The following IRAK1BP1 variants were observed in gnomAD, a reference collection of about 807,000 sequenced individuals.
The protein encoded by IRAK1BP1 is interleukin 1 receptor associated kinase 1 binding protein 1.
IRAK1BP1 carries 24 observed loss-of-function variants against 28.0 expected under a neutral mutation model. The observed-to-expected ratio is 0.86, with a 90% CI of 0.62 to 1.20. IRAK1BP1 has a LOEUF of 1.20. Ranked by LOEUF, IRAK1BP1 falls within the 50% of genes most tolerant of loss-of-function variation. The pLI is 0.00. For synonymous variants in IRAK1BP1, 131 were observed against 116.3 expected (o/e 1.13, Z -0.81); for missense variants, 336 against 316.7 (o/e 1.06, Z -0.46).
chr6:78,969,764 A>G, the IRAK1BP1 span: 57 of 685,992 alleles, frequency 8.3e-5, no homozygotes, highest in East Asian at 2.7e-5. Flanking sequence ...TCAATTATGA[A>G]AAATAGTAAA....
intron 1 of IRAK1BP1, among the ~76,000 whole-genome samples, chr6:78,869,271 A>G (rs535473297): frequency 2.2e-4 from 34 of 152,292 alleles, no homozygotes; most frequent in African/African-American, 7.9e-4. Flanking sequence ...TGTAATGCCA[A>G]CACTTTGGGA....
At chr6:78,978,083 A>T in the IRAK1BP1 span, among the ~76,000 whole-genome samples, 1 of 152,106 alleles carries the variant, frequency 6.6e-6, no homozygotes, top group Non-Finnish European at 1.5e-5. Context: ...ACAAGTACAT[A>T]TTCTAAAACA....
At chr6:78,947,913 G>A (rs1773915531), downstream of IRAK1BP1, 1 of 469,756 alleles carries the variant, frequency 2.1e-6, no homozygotes, top group Non-Finnish European at 3.8e-6. Context: ...CCCTTATCAA[G>A]AGTCCCTTTT....
At chr6:78,871,222 C>T in intron 1 of IRAK1BP1, 2 of 977,984 alleles carry the variant, frequency 2.0e-6, no homozygotes, top group Non-Finnish European at 2.4e-6. Context: ...TCTTCTCTCT[C>T]CAACTGTAGG....
intron 4 of IRAK1BP1, among the ~76,000 whole-genome samples, chr6:78,916,165 G>A (rs1055138542): frequency 2.0e-5 from 3 of 152,158 alleles, no homozygotes; most frequent in African/African-American, 7.2e-5. Flanking sequence ...AGGCTAAAGT[G>A]AAGTTATAAA....
chr6:78,947,267 G>A (rs1773871771), downstream of IRAK1BP1, among the ~76,000 whole-genome samples: 1 of 152,066 alleles, frequency 6.6e-6, no homozygotes, highest in South Asian at 2.1e-4. Context: ...GTCATGTCTG[G>A]TCAGAGTGTT....
chr6:78,974,521 A>G, the IRAK1BP1 span, among the ~76,000 whole-genome samples: 1 of 151,832 alleles, frequency 6.6e-6, no homozygotes, highest in African/African-American at 2.4e-5. Flanking sequence ...AGAAATAACT[A>G]AGATCAGAGC....
At chr6:78,947,479 A>G (rs1773890963), downstream of IRAK1BP1, 9 of 537,410 alleles carry the variant, frequency 1.7e-5, no homozygotes, top group South Asian at 1.4e-4. Context: ...GTAGAAAGGT[A>G]TAATTTCTTT....
At chr6:78,883,185 C>A (rs146001496) in intron 1 of IRAK1BP1, among the ~76,000 whole-genome samples, 38 of 152,224 alleles carry the variant, frequency 2.5e-4, no homozygotes, top group African/African-American at 6.7e-4. Flanking sequence ...TGCTTGAGCT[C>A]AGGAGTTCAA....
At chr6:78,898,024 T>C (rs771697277) in intron 3 of IRAK1BP1, 40 bp from the exon 4 acceptor site, 6 of 1,605,468 alleles carry the variant, frequency 3.7e-6, no homozygotes, top group Middle Eastern at 1.7e-4. Flanking sequence ...CTACATTTCA[T>C]TGAGTGTCAT....
At chr6:78,912,616 TA>T (rs1164551692) in intron 4 of IRAK1BP1, among the ~76,000 whole-genome samples, 2 of 152,140 alleles carry the variant, frequency 1.3e-5, no homozygotes, top group East Asian at 3.9e-4. Context: ...ATGTTGTCAA[TA>T]ACAGGTTTGT....
intron 4 of IRAK1BP1, among the ~76,000 whole-genome samples, chr6:78,918,578 T>TAAAAAAA (rs58669467): frequency 4.3e-4 from 29 of 66,796 alleles, no homozygotes; most frequent in African/African-American, 1.2e-3. Flanking sequence ...CCAAAAACAG[T>TAAAAAAA]AAAAAAAAAA....
chr6:78,925,901 TACC>T (rs2127668123), intron 4 of IRAK1BP1, among the ~76,000 whole-genome samples: 1 of 152,176 alleles, frequency 6.6e-6, no homozygotes, highest in Admixed American at 6.5e-5. Flanking sequence ...AACGTGGATG[TACC>T]TCAAGACCGT....
the IRAK1BP1 span, among the ~76,000 whole-genome samples, chr6:78,974,621 A>G: frequency 6.2e-4 from 95 of 152,324 alleles, 1 homozygote; most frequent in South Asian, 8.1e-3. Flanking sequence ...AAATCGATAG[A>G]CCGCCAGCAA....
chr6:78,885,479 T>C (rs1463784243), intron 2 of IRAK1BP1, 36 bp downstream of exon 2: 3 of 1,039,898 alleles, frequency 2.9e-6, no homozygotes, highest in Non-Finnish European at 1.4e-6. Context: ...GCAGCATGAT[T>C]TTGTGGAGAC....
chr6:78,925,255 G>A lies in IRAK1BP1; in HGVS notation c.*68-20153G>A, dbSNP rs542851469. Among the ~76,000 whole-genome samples the A allele has an allele frequency of 5.9e-5, 9 of 152,060 alleles. No individual in the cohort carries two copies. In the South Asian group the frequency reaches 1.9e-3, roughly 32 times the overall value. Reference sequence around the variant, plus strand: ...TTAGTGGGTACGGCACACCAACATGGCACATGTATACATATGTAACAAACC... The same window carrying A: ...TTAGTGGGTACGGCACACCAACATGACACATGTATACATATGTAACAAACC... On this transcript the variant is annotated intron_variant and NMD_transcript_variant, in intron 4 of 4. Coordinates refer to the IRAK1BP1 transcript ENST00000606868.
the IRAK1BP1 span, among the ~76,000 whole-genome samples, chr6:78,951,908 G>C: frequency 2.0e-5 from 3 of 152,126 alleles, no homozygotes; most frequent in Non-Finnish European, 4.4e-5. Flanking sequence ...AAATAGTTTT[G>C]TCTATAAATC....
At chr6:78,888,010 ATAT>A (rs1454684252) in intron 2 of IRAK1BP1, among the ~76,000 whole-genome samples, 10 of 113,290 alleles carry the variant, frequency 8.8e-5, no homozygotes, top group African/African-American at 3.3e-4. Flanking sequence ...ATACAATGAA[ATAT>A]TATTTAGCCT....
chr6:78,885,776 G>C (rs1771409797), intron 2 of IRAK1BP1, among the ~76,000 whole-genome samples: 1 of 151,988 alleles, frequency 6.6e-6, no homozygotes, highest in South Asian at 2.1e-4. Flanking sequence ...TAACATAAAG[G>C]ATTTGAAATG....
Sources: allele counts gnomAD v4.1 joint callset (sites outside exome capture counted in the v4.1 genomes callset), GRCh38; gene constraint gnomAD v4.1.1; transcripts MANE v1.5; gene names NCBI Gene and HGNC (gene_info 2026-07-23, HGNC 2026-07-21).